SI: variants seen among roughly 807,000 people sequenced by gnomAD.
The protein encoded by SI is sucrase-isomaltase, also known as sucrase-isomaltase, intestinal.
A neutral mutation model predicts 253.3 loss-of-function variants in SI; 235 were observed. That is an observed-to-expected ratio of 0.93 (90% CI 0.83 to 1.03). SI has a LOEUF of 1.03. Ranked by LOEUF, SI falls within the 50% of genes least tolerant of loss-of-function variation. The pLI, the probability that SI is intolerant of heterozygous loss-of-function variation, is 0.00. For missense variants in SI, 2,442 were observed against 2,211.1 expected (o/e 1.10, Z -2.09); for synonymous variants, 819 against 712.0 (o/e 1.15, Z -2.39).
In SI at chr3:165,041,914, G is replaced by A. The variant is rs192480472; in HGVS notation, c.2005-820C>T. On this transcript the variant is annotated intron_variant, in intron 17 of 47. Transcript: ENST00000264382. ...GCCTATTCTTGGGAGATGCAAGAAA[G>A]GTCAGTGGTCAACTTTCCCTGAAGG... is the stretch of plus-strand genomic sequence containing the variant. Among the ~76,000 whole-genome samples the A allele has an allele frequency of 9.3e-4, 141 of 152,164 alleles. 1 individual carries two copies. The Middle Eastern group carries it at 0.02, about 22-fold the overall frequency.
At chr3:165,048,540 G>C (rs144439665) in intron 15 of SI, among the ~76,000 whole-genome samples, 7 of 139,164 alleles carry the variant, frequency 5.0e-5, no homozygotes, top group Non-Finnish European at 9.1e-5. Context: ...AAGAGTCTTA[G>C]TTAAATATAT....
At chr3:165,076,647 C>T (rs1160754505) in intron 1 of SI, among the ~76,000 whole-genome samples, 1 of 151,520 alleles carries the variant, frequency 6.6e-6, no homozygotes, top group African/African-American at 2.4e-5. Flanking sequence ...CACCAAGTTC[C>T]TTCATCAAAC....
intron 37 of SI, among the ~76,000 whole-genome samples, chr3:165,001,807 T>C (rs1189725926): frequency 2.6e-5 from 4 of 151,432 alleles, no homozygotes; most frequent in Admixed American, 6.6e-5. Flanking sequence ...AGTTTTTGTT[T>C]ATTAAAAAAA....
At chr3:165,075,152 G>T (rs1183084840) in intron 2 of SI, among the ~76,000 whole-genome samples, 1 of 151,876 alleles carries the variant, frequency 6.6e-6, no homozygotes, top group Non-Finnish European at 1.5e-5. Context: ...AAGAATGGTA[G>T]ATACCAACGC....
chr3:165,061,814 A>C (rs1409427753), intron 9 of SI, among the ~76,000 whole-genome samples: 2 of 151,974 alleles, frequency 1.3e-5, no homozygotes, highest in Non-Finnish European at 2.9e-5. Flanking sequence ...ATGTTACTTA[A>C]TATGTAAATA....
chr3:164,989,396 GAA>G (rs1402579578), intron 44 of SI, among the ~76,000 whole-genome samples: 1 of 132,574 alleles, frequency 7.5e-6, no homozygotes, highest in Non-Finnish European at 1.7e-5. Context: ...AAGGAAGAAA[GAA>G]AGAAAGAAAG....
At chr3:165,029,555 TA>T (rs889010356) in intron 25 of SI, among the ~76,000 whole-genome samples, 7 of 146,686 alleles carry the variant, frequency 4.8e-5, no homozygotes, top group Non-Finnish European at 7.6e-5. Flanking sequence ...AATGAGTGGA[TA>T]AAAAAACTGT....
At chr3:165,049,629 C>A (rs1483943453) in intron 14 of SI, among the ~76,000 whole-genome samples, 162 bp downstream of exon 14, 2 of 151,540 alleles carry the variant, frequency 1.3e-5, no homozygotes, top group Non-Finnish European at 2.9e-5. Flanking sequence ...AAATATAATC[C>A]TAGGCAGAAA....
intron 41 of SI, 102 bp from the exon 42 acceptor site, chr3:164,992,499 G>A: frequency 5.0e-6 from 4 of 797,094 alleles, no homozygotes; most frequent in African/African-American, 1.8e-5. Context: ...GGACTTTTGT[G>A]GATTAAAATA....
chr3:165,026,083 A>G (rs1422832774), intron 25 of SI, among the ~76,000 whole-genome samples: 2 of 151,314 alleles, frequency 1.3e-5, no homozygotes, highest in African/African-American at 4.8e-5. Context: ...TGCTGCCTCC[A>G]AGAGACTCAC....
intron 25 of SI, among the ~76,000 whole-genome samples, chr3:165,030,072 T>C (rs1232722735): frequency 6.6e-6 from 1 of 150,840 alleles, no homozygotes; most frequent in Non-Finnish European, 1.5e-5. Flanking sequence ...GCCTCAGTGA[T>C]ATAACAGATG....
intron 32 of SI, 67 bp downstream of exon 32, chr3:165,015,885 C>A (rs2290737): frequency 0.02 from 27,034 of 1,363,966 alleles, 362 homozygotes; most frequent in Non-Finnish European, 0.023. Context: ...TCTTCCCCCC[C>A]ACCTGCTCAT....
chr3:165,081,977 T>G (rs1051792380), upstream of SI, among the ~76,000 whole-genome samples: 2 of 151,988 alleles, frequency 1.3e-5, no homozygotes, highest in African/African-American at 4.8e-5. Flanking sequence ...CAAGTGCTAG[T>G]ATTCCAGTCT....
intron 27 of SI, 73 bp downstream of exon 27, chr3:165,021,156 G>A: frequency 2.3e-6 from 3 of 1,330,604 alleles, no homozygotes; most frequent in Non-Finnish European, 3.2e-6. Flanking sequence ...AGTGAAGGCT[G>A]TTAATCATTT....
chr3:164,988,364 A>T (rs144303324), intron 44 of SI, among the ~76,000 whole-genome samples: 7 of 152,312 alleles, frequency 4.6e-5, no homozygotes, highest in African/African-American at 1.7e-4. Flanking sequence ...TATAATTTAG[A>T]AACATCAAAA....
intron 3 of SI, among the ~76,000 whole-genome samples, chr3:165,070,126 TA>T (rs1714462834): frequency 6.8e-6 from 1 of 146,708 alleles, no homozygotes; most frequent in South Asian, 2.1e-4. Context: ...TTTAAATAGA[TA>T]AGTATATGGG....
rs1576901494 is a variant in SI, at chr3:165,037,917, A to C, written c.2409T>G (p.Asp803Glu). The C allele has an allele frequency of 9.3e-6, 15 of 1,608,016 alleles. No homozygotes were observed. The highest frequency in any genetic ancestry group is 1.3e-5 in the Non-Finnish European group (15 of 1,175,678). ...CATTTTACCTTGCTGTTGTTGTTACATCTGGTTCTTGAATGGGGATGATAT... is the reference window on the plus strand; with the variant it reads ...CATTTTACCTTGCTGTTGTTGTTACCTCTGGTTCTTGAATGGGGATGATAT... Reference protein sequence around the residue: ...GGYIIPIQEPDVTTTASRKNP... With the variant: ...GGYIIPIQEPEVTTTASRKNP... Residue 803 changes from aspartate to glutamate, a missense_variant, in exon 21 of 48, where the codon GAT (aspartate) becomes GAG (glutamate). Transcript: ENST00000264382.
chr3:165,030,780 TA>T lies in SI; in HGVS notation c.2823del (p.Phe941LeufsTer55). On this transcript the variant is annotated frameshift_variant, in exon 25 of 48. Transcript: ENST00000264382. LOFTEE classifies it high-confidence loss of function. Reference protein sequence around the residue: ...WNQIFSENERFNCYPDADLAT... With the variant: ...WNQIFSENERXNCYPDADLAT... ...GCCAAATCTGCATCTGGATAACAAT[TA>T]AATCTTTCATTTTCTGAGAAAATTT... is the stretch of plus-strand genomic sequence containing the variant. 1 of 1,606,664 alleles carries T rather than the reference TA, an allele frequency of 6.2e-7. No individual in the cohort carries two copies. The highest frequency in any genetic ancestry group is 8.5e-7 in the Non-Finnish European group (1 of 1,176,194).
At chr3:165,037,445 A>C (rs1441543952) in intron 21 of SI, among the ~76,000 whole-genome samples, 1 of 151,882 alleles carries the variant, frequency 6.6e-6, no homozygotes, top group East Asian at 1.9e-4. Context: ...TGAGCAATTT[A>C]GTTTCTCTCT....
Sources: allele counts gnomAD v4.1 joint callset (sites outside exome capture counted in the v4.1 genomes callset), GRCh38; gene constraint gnomAD v4.1.1; transcripts MANE v1.5; gene names NCBI Gene and HGNC (gene_info 2026-07-23, HGNC 2026-07-21).